Variants in PARD3 observed in about 807,000 individuals in gnomAD.
PARD3 encodes partitioning defective 3 homolog.
Under a neutral mutation model 155.4 loss-of-function variants are expected in PARD3, and 75 were observed. The observed-to-expected ratio is 0.48, with a 90% CI of 0.40 to 0.58. The LOEUF is 0.58. Among genes scored for constraint, PARD3 ranks in the 20% least tolerant of loss-of-function variants. PARD3 has a pLI of 0.00. For missense variants in PARD3, 1,642 were observed against 1,721.7 expected (o/e 0.95, Z 0.82); for synonymous variants, 576 against 610.5 (o/e 0.94, Z 0.83).
chr10:34,227,608 A>G (rs1352452391), intron 22 of PARD3, among the ~76,000 whole-genome samples: 1 of 152,206 alleles, frequency 6.6e-6, no homozygotes, highest in African/African-American at 2.4e-5. Flanking sequence ...ATTGCACGCC[A>G]GCCTGGGCAA....
intron 1 of PARD3, among the ~76,000 whole-genome samples, chr10:34,809,072 C>T (rs1333858430): frequency 6.6e-6 from 1 of 152,180 alleles, no homozygotes; most frequent in Non-Finnish European, 1.5e-5. Flanking sequence ...ACAGCTGATA[C>T]GAAAGAGTAA....
chr10:34,239,062 A>T (rs970183976), intron 22 of PARD3, among the ~76,000 whole-genome samples: 7 of 152,236 alleles, frequency 4.6e-5, no homozygotes, highest in Admixed American at 4.6e-4. Flanking sequence ...AATAATCTAA[A>T]ATAAGAGAAA....
intron 1 of PARD3, among the ~76,000 whole-genome samples, chr10:34,739,894 T>A (rs1415010872): frequency 1.3e-5 from 2 of 152,042 alleles, no homozygotes; most frequent in Non-Finnish European, 2.9e-5. Flanking sequence ...ATATTCCCTA[T>A]CTCTGTCAAA....
intron 1 of PARD3, among the ~76,000 whole-genome samples, chr10:34,788,135 A>G (rs1212311978): frequency 6.6e-6 from 1 of 152,146 alleles, no homozygotes; most frequent in East Asian, 1.9e-4. Context: ...CAAGGGTCTT[A>G]CAAGACCACG....
chr10:34,207,485 GAACA>G (rs1951535035), intron 22 of PARD3, among the ~76,000 whole-genome samples: 1 of 152,142 alleles, frequency 6.6e-6, no homozygotes, highest in Admixed American at 6.5e-5. Flanking sequence ...GGTGGGAGTA[GAACA>G]ACTGTCCCTG....
At chr10:34,177,461 C>T (rs1278086289) in intron 22 of PARD3, among the ~76,000 whole-genome samples, 1 of 152,146 alleles carries the variant, frequency 6.6e-6, no homozygotes, top group African/African-American at 2.4e-5. Context: ...AAGTATTCAT[C>T]AGCCAGATTT....
At chr10:34,693,048 C>G (rs1432765483) in intron 2 of PARD3, among the ~76,000 whole-genome samples, 3 of 152,120 alleles carry the variant, frequency 2.0e-5, no homozygotes, top group African/African-American at 7.2e-5. Context: ...TAAAACAATA[C>G]ATCCGTGTCG....
intron 22 of PARD3, among the ~76,000 whole-genome samples, chr10:34,179,216 C>T (rs955317448): frequency 5.3e-5 from 8 of 151,776 alleles, no homozygotes; most frequent in Non-Finnish European, 8.8e-5. Context: ...AATTTAGAGA[C>T]TGTATTTTTA....
chr10:34,571,350 T>C (rs1442946597), intron 2 of PARD3, among the ~76,000 whole-genome samples: 1 of 152,186 alleles, frequency 6.6e-6, no homozygotes, highest in Non-Finnish European at 1.5e-5. Flanking sequence ...GTATCTTAAT[T>C]GATAAAATTT....
At chr10:34,333,590 T>C (rs1835844112) in intron 18 of PARD3, among the ~76,000 whole-genome samples, 3 of 152,038 alleles carry the variant, frequency 2.0e-5, no homozygotes, top group Admixed American at 2.0e-4. Flanking sequence ...AATAAAAAAT[T>C]ATACAAAATG....
At chr10:34,748,107 C>A (rs1299702894) in intron 1 of PARD3, among the ~76,000 whole-genome samples, 1 of 152,202 alleles carries the variant, frequency 6.6e-6, no homozygotes, top group Non-Finnish European at 1.5e-5. Flanking sequence ...GTGTCTAGGT[C>A]AGCCAGCCAT....
chr10:34,522,981 C>T (rs1029955539), intron 2 of PARD3, among the ~76,000 whole-genome samples: 4 of 152,200 alleles, frequency 2.6e-5, no homozygotes, highest in African/African-American at 7.2e-5. Flanking sequence ...ATCTGCAGAC[C>T]TCTGAATAGG....
intron 22 of PARD3, among the ~76,000 whole-genome samples, chr10:34,212,392 C>T (rs1219326349): frequency 6.6e-6 from 1 of 152,152 alleles, no homozygotes; most frequent in Non-Finnish European, 1.5e-5. Flanking sequence ...TAGCCCGACC[C>T]CTGACAGCAA....
chr10:34,269,545 C>T, intron 22 of PARD3, 112 bp downstream of exon 22: 1 of 1,163,932 alleles, frequency 8.6e-7, no homozygotes, highest in Non-Finnish European at 1.2e-6. Flanking sequence ...TTTTTAAAGG[C>T]CATTAATAAA....
intron 5 of PARD3, among the ~76,000 whole-genome samples, chr10:34,411,156 G>C (rs1019046546): frequency 2.0e-5 from 3 of 152,136 alleles, no homozygotes; most frequent in Non-Finnish European, 4.4e-5. Context: ...ACAGAGATGG[G>C]GGAGGAGGGA....
intron 22 of PARD3, among the ~76,000 whole-genome samples, chr10:34,163,126 T>C (rs1447261040): frequency 1.3e-5 from 2 of 152,160 alleles, no homozygotes; most frequent in African/African-American, 2.4e-5. Context: ...TGAAAGACAA[T>C]GGCGTTTCAG....
chr10:34,274,156 C>G (rs1955765351), intron 21 of PARD3, among the ~76,000 whole-genome samples: 1 of 152,160 alleles, frequency 6.6e-6, no homozygotes, highest in Non-Finnish European at 1.5e-5. Flanking sequence ...CAGGACTGTT[C>G]TAGATCCTAG....
intron 1 of PARD3, among the ~76,000 whole-genome samples, chr10:34,814,136 G>A (rs1022290051): frequency 2.6e-5 from 4 of 152,140 alleles, no homozygotes; most frequent in African/African-American, 9.7e-5. Flanking sequence ...TTTTCATTCC[G>A]CGACTCTTCC....
At chr10:34,785,656 G>C (rs988461355) in intron 1 of PARD3, among the ~76,000 whole-genome samples, 1 of 152,090 alleles carries the variant, frequency 6.6e-6, no homozygotes, top group Admixed American at 6.5e-5. Context: ...AGGATTGCCT[G>C]AGCCCAGGAT....
Sources: gnomAD v4.1 joint callset for allele counts (sites outside exome capture counted in the v4.1 genomes callset) on GRCh38, gnomAD v4.1.1 for gene constraint, MANE v1.5 for transcripts, NCBI Gene and HGNC (gene_info 2026-07-23, HGNC 2026-07-21) for gene names.